The following LHFPL6 variants were observed in gnomAD, a reference collection of about 807,000 sequenced individuals.
LHFPL6 encodes the protein LHFPL tetraspan subfamily member 6, also known as LHFPL tetraspan subfamily member 6 protein.
In LHFPL6, 9 loss-of-function variants were observed where a neutral mutation model predicts 20.6. The ratio of observed to expected loss-of-function variants is 0.44; its 90% CI spans 0.26 to 0.76. The LOEUF (loss-of-function observed/expected upper bound fraction) is 0.76, where lower values mean the gene tolerates loss of function less well. Among genes scored for constraint, LHFPL6 ranks in the 30% least tolerant of loss-of-function variants. The probability of loss-of-function intolerance (pLI) is 0.20; values close to 1 mark genes in which losing one functional copy is unlikely to be tolerated. For synonymous variants in LHFPL6, 105 were observed against 98.7 expected (o/e 1.06, Z -0.38); for missense variants, 218 against 253.5 (o/e 0.86, Z 0.95).
chr13:39,522,565 C>G (rs1481998964), intron 2 of LHFPL6, among the ~76,000 whole-genome samples: 1 of 152,254 alleles, frequency 6.6e-6, no homozygotes, highest in Admixed American at 6.5e-5. Context: ...ATGGCCTGCA[C>G]AGCCTTCCAC....
rs116030753 is a variant in LHFPL6, at chr13:39,567,553, T to C, written c.385+33279A>G. Among the ~76,000 whole-genome samples the C allele has an allele frequency of 8.0e-3, 1,224 of 152,290 alleles. 17 individuals carry two copies. Among genetic ancestry groups the C allele is most frequent in the African/African-American group, 0.027 (1,142 of 41,560 alleles). On this transcript the variant is annotated intron_variant, in intron 2 of 3. Transcript: ENST00000379589. ...ACGCTTTGTGGGCCACATAAGGTTT[T>C]CTTCCTCTTCTTCCTCTTCCTATTT...
At chr13:39,517,102 A>T (rs1311629654) in intron 2 of LHFPL6, among the ~76,000 whole-genome samples, 1 of 152,202 alleles carries the variant, frequency 6.6e-6, no homozygotes. Flanking sequence ...ATGGTACTAA[A>T]GGGAAAGGGT....
chr13:39,392,825 T>C (rs1297078239), intron 2 of LHFPL6, among the ~76,000 whole-genome samples: 1 of 151,710 alleles, frequency 6.6e-6, no homozygotes, highest in Non-Finnish European at 1.5e-5. Context: ...AATAAAGATA[T>C]ATGTGTAAAA....
chr13:39,571,147 T>C (rs9315707), intron 2 of LHFPL6, among the ~76,000 whole-genome samples: 63,945 of 152,032 alleles, frequency 0.42, 13,892 homozygotes, highest in South Asian at 0.57. Context: ...ATATTGATAA[T>C]GATAGGAGGC....
chr13:39,424,738 T>C (rs1452497138), intron 2 of LHFPL6, among the ~76,000 whole-genome samples: 1 of 152,132 alleles, frequency 6.6e-6, no homozygotes, highest in African/African-American at 2.4e-5. Context: ...TCTGTGGCTA[T>C]CATATCTCAT....
intron 2 of LHFPL6, among the ~76,000 whole-genome samples, chr13:39,443,509 C>T (rs1442223321): frequency 4.6e-5 from 7 of 152,068 alleles, no homozygotes; most frequent in Non-Finnish European, 7.3e-5. Context: ...AAATTTGGAG[C>T]AGCAAGCTAG....
intron 2 of LHFPL6, among the ~76,000 whole-genome samples, chr13:39,559,853 C>T (rs933783932): frequency 4.6e-5 from 7 of 152,176 alleles, no homozygotes; most frequent in South Asian, 4.1e-4. Flanking sequence ...GGGAGTACTA[C>T]GGCAGTCCCC....
chr13:39,440,452 G>A (rs1202269319), intron 2 of LHFPL6, among the ~76,000 whole-genome samples: 1 of 152,162 alleles, frequency 6.6e-6, no homozygotes, highest in Non-Finnish European at 1.5e-5. Flanking sequence ...AACAAAGTGA[G>A]ATACGAGTCT....
chr13:39,508,219 T>A (rs1168014208), intron 2 of LHFPL6, among the ~76,000 whole-genome samples: 1 of 152,062 alleles, frequency 6.6e-6, no homozygotes, highest in African/African-American at 2.4e-5. Context: ...AAGGTGGGGT[T>A]TCACCATGTT....
chr13:39,377,688 A>G (rs1315726137), intron 3 of LHFPL6, among the ~76,000 whole-genome samples: 1 of 152,246 alleles, frequency 6.6e-6, no homozygotes, highest in Non-Finnish European at 1.5e-5. Context: ...AGATCGCAAC[A>G]TAAGTAAGTA....
chr13:39,438,334 T>C (rs1054083131), intron 2 of LHFPL6, among the ~76,000 whole-genome samples: 2 of 152,352 alleles, frequency 1.3e-5, no homozygotes, highest in East Asian at 1.9e-4. Flanking sequence ...AGATGTGACC[T>C]GGTTGCTTCT....
At chr13:39,405,678 T>C (rs1357418069) in intron 2 of LHFPL6, among the ~76,000 whole-genome samples, 2 of 152,150 alleles carry the variant, frequency 1.3e-5, no homozygotes, top group African/African-American at 2.4e-5. Context: ...AAAGCTGTCA[T>C]ACAAACAAAC....
At chr13:39,483,553 G>T (rs940818679) in intron 2 of LHFPL6, among the ~76,000 whole-genome samples, 3 of 150,338 alleles carry the variant, frequency 2.0e-5, no homozygotes, top group Non-Finnish European at 4.4e-5. Flanking sequence ...CAGGCAAAGG[G>T]CATTCTAATG....
At chr13:39,578,003 T>C (rs568118184) in intron 2 of LHFPL6, among the ~76,000 whole-genome samples, 2 of 152,266 alleles carry the variant, frequency 1.3e-5, no homozygotes, top group African/African-American at 4.8e-5. Context: ...TAGAAATGTC[T>C]GGTAGCACAC....
At chr13:39,448,073 C>T (rs1305362378) in intron 2 of LHFPL6, among the ~76,000 whole-genome samples, 1 of 152,222 alleles carries the variant, frequency 6.6e-6, no homozygotes, top group Non-Finnish European at 1.5e-5. Flanking sequence ...GTGGGAGTCT[C>T]CTCCCAGTTC....
chr13:39,573,346 G>T (rs1392099289), intron 2 of LHFPL6, among the ~76,000 whole-genome samples: 5 of 152,052 alleles, frequency 3.3e-5, no homozygotes, highest in Admixed American at 6.6e-5. Context: ...CGAAAGGAAG[G>T]CATCTTTTTT....
At chr13:39,351,915 A>G (rs1415744728) in intron 3 of LHFPL6, among the ~76,000 whole-genome samples, 1 of 152,212 alleles carries the variant, frequency 6.6e-6, no homozygotes, top group Non-Finnish European at 1.5e-5. Context: ...GAGGCACCCC[A>G]GTAGTCTCTC....
chr13:39,399,060 C>T (rs138948393), intron 2 of LHFPL6, among the ~76,000 whole-genome samples: 1 of 152,298 alleles, frequency 6.6e-6, no homozygotes, highest in African/African-American at 2.4e-5. Flanking sequence ...CCAAGTCTTT[C>T]CTAGTGCCTT....
At chr13:39,537,729 C>A (rs1027899608) in intron 2 of LHFPL6, among the ~76,000 whole-genome samples, 1 of 152,084 alleles carries the variant, frequency 6.6e-6, no homozygotes, top group African/African-American at 2.4e-5. Context: ...TCAACAATCA[C>A]AGAACCCAAA....
Sources: gnomAD v4.1 joint callset for allele counts (sites outside exome capture counted in the v4.1 genomes callset) on GRCh38, gnomAD v4.1.1 for gene constraint, MANE v1.5 for transcripts, NCBI Gene and HGNC (gene_info 2026-07-23, HGNC 2026-07-21) for gene names.